Variants in SCP2 observed in about 807,000 individuals in gnomAD.
SCP2 encodes sterol carrier protein 2, also known as SCP-2/3-oxoacyl-CoA thiolase.
A neutral mutation model predicts 71.4 loss-of-function variants in SCP2; 48 were observed. The ratio of observed to expected loss-of-function variants is 0.67; its 90% confidence interval spans 0.53 to 0.86. SCP2 has a LOEUF of 0.86. Among genes scored for constraint, SCP2 ranks in the 40% least tolerant of loss-of-function variants. SCP2 has a pLI of 0.00. For missense variants in SCP2, 560 were observed against 655.6 expected (o/e 0.85, Z 1.59); for synonymous variants, 220 against 218.1 (o/e 1.01, Z -0.08).
intron 14 of SCP2, among the ~76,000 whole-genome samples, chr1:53,044,213 A>G (rs2150272047): frequency 6.6e-6 from 1 of 152,176 alleles, no homozygotes; most frequent in African/African-American, 2.4e-5. Flanking sequence ...ACCTGCCACC[A>G]TGCTCGGCTA....
chr1:53,015,199 A>G (rs889760279), intron 12 of SCP2, among the ~76,000 whole-genome samples, 156 bp downstream of exon 12: 1 of 152,224 alleles, frequency 6.6e-6, no homozygotes, highest in African/African-American at 2.4e-5. Context: ...AAAAGTGGCC[A>G]TCAGGTTTTA....
intron 11 of SCP2, among the ~76,000 whole-genome samples, chr1:53,002,319 T>G (rs1459216433): frequency 6.6e-6 from 1 of 152,210 alleles, no homozygotes; most frequent in African/African-American, 2.4e-5. Flanking sequence ...TTTAAAGGGA[T>G]AGTTGAATAT....
chr1:52,972,527 C>G (rs1355509646), intron 6 of SCP2, among the ~76,000 whole-genome samples: 2 of 152,242 alleles, frequency 1.3e-5, no homozygotes, highest in Non-Finnish European at 2.9e-5. Flanking sequence ...TCCTACCAAT[C>G]TATGCATGGA....
At chr1:53,020,881 A>G (rs1661669154) in intron 12 of SCP2, among the ~76,000 whole-genome samples, 1 of 152,154 alleles carries the variant, frequency 6.6e-6, no homozygotes, top group South Asian at 2.1e-4. Context: ...ATTCCCTGAA[A>G]CTTACGCGTA....
At chr1:52,970,538 CT>C (rs144036005) in intron 6 of SCP2, among the ~76,000 whole-genome samples, 30 of 149,384 alleles carry the variant, frequency 2.0e-4, no homozygotes, top group African/African-American at 2.4e-4. Context: ...TTTCATTTTG[CT>C]TTTTTTTTTC....
chr1:53,004,091 C>G (rs1660480726), intron 11 of SCP2, among the ~76,000 whole-genome samples: 2 of 152,150 alleles, frequency 1.3e-5, no homozygotes, highest in Admixed American at 6.5e-5. Context: ...TAGCTACTAA[C>G]TGACTAACGG....
At chr1:53,039,468 A>T (rs1212021007) in intron 14 of SCP2, among the ~76,000 whole-genome samples, 1 of 152,186 alleles carries the variant, frequency 6.6e-6, no homozygotes, top group African/African-American at 2.4e-5. Flanking sequence ...GCCTTGGAAG[A>T]CCTGTCCATA....
intron 11 of SCP2, chr1:52,995,568 G>A (rs189242053): frequency 4.2e-6 from 2 of 471,838 alleles, no homozygotes; most frequent in Admixed American, 2.6e-5. Flanking sequence ...AGCTTTCACA[G>A]TGCCCAAACT....
intron 11 of SCP2, among the ~76,000 whole-genome samples, chr1:52,991,884 G>A (rs931253964): frequency 3.3e-5 from 5 of 151,942 alleles, no homozygotes; most frequent in African/African-American, 9.7e-5. Flanking sequence ...AGTGACAACC[G>A]TGCAATACCA....
chr1:52,937,720 T>C (rs1377320024), intron 1 of SCP2, among the ~76,000 whole-genome samples: 1 of 152,166 alleles, frequency 6.6e-6, no homozygotes, highest in East Asian at 1.9e-4. Flanking sequence ...AAAATTGAAA[T>C]AGAACAGGAA....
At chr1:53,038,816 C>A in intron 13 of SCP2, 101 bp from the exon 14 acceptor site, 1 of 1,467,180 alleles carries the variant, frequency 6.8e-7, no homozygotes, top group Non-Finnish European at 9.5e-7. Flanking sequence ...CGCTCCCTGG[C>A]CCGTATACTC....
intron 2 of SCP2, among the ~76,000 whole-genome samples, chr1:52,943,209 TC>T (rs1259691728): frequency 6.6e-6 from 1 of 151,332 alleles, no homozygotes; most frequent in Non-Finnish European, 1.5e-5. Context: ...ATGAAATGGT[TC>T]CCAACATGGT....
At chr1:52,986,672 C>G (rs1382998345) in intron 10 of SCP2, among the ~76,000 whole-genome samples, 1 of 152,144 alleles carries the variant, frequency 6.6e-6, no homozygotes, top group Admixed American at 6.5e-5. Flanking sequence ...CTTAATATCT[C>G]TGTCTGTTTT....
intron 13 of SCP2, among the ~76,000 whole-genome samples, chr1:53,034,797 T>A (rs1043157962): frequency 3.9e-5 from 6 of 152,106 alleles, no homozygotes; most frequent in African/African-American, 1.4e-4. Flanking sequence ...AACACTTAAG[T>A]CTTTCTTAAA....
chr1:53,027,636 C>A (rs1208331659), intron 12 of SCP2, among the ~76,000 whole-genome samples: 2 of 152,168 alleles, frequency 1.3e-5, no homozygotes, highest in Non-Finnish European at 2.9e-5. Context: ...TCCTGAGTTG[C>A]TGGGATTACA....
At chr1:52,982,487 G>A (rs931035832) in intron 10 of SCP2, among the ~76,000 whole-genome samples, 38 of 152,158 alleles carry the variant, frequency 2.5e-4, no homozygotes, top group Admixed American at 1.8e-3. Context: ...GGAGAATGGC[G>A]TGAACCTGGG....
At chr1:52,946,375 T>C (rs1654797912) in intron 2 of SCP2, among the ~76,000 whole-genome samples, 1 of 151,900 alleles carries the variant, frequency 6.6e-6, no homozygotes, top group South Asian at 2.1e-4. Context: ...ACCACAGGTG[T>C]ATGCTACCAC....
At chr1:52,977,828 C>T (rs568751629) in intron 8 of SCP2, among the ~76,000 whole-genome samples, 3 of 152,186 alleles carry the variant, frequency 2.0e-5, no homozygotes, top group African/African-American at 4.8e-5. Context: ...GGCGTGGTAG[C>T]GCATGCCTGT....
intron 6 of SCP2, among the ~76,000 whole-genome samples, chr1:52,966,436 C>G (rs1335685066): frequency 3.9e-5 from 6 of 151,934 alleles, no homozygotes; most frequent in Non-Finnish European, 7.4e-5. Flanking sequence ...GTTTGCATAT[C>G]TGGAATAAAT....
Sources: gnomAD v4.1 joint callset for allele counts (sites outside exome capture counted in the v4.1 genomes callset) on GRCh38, gnomAD v4.1.1 for gene constraint, MANE v1.5 for transcripts, NCBI Gene and HGNC (gene_info 2026-07-23, HGNC 2026-07-21) for gene names.